The following SDR16C5 variants were observed in gnomAD, a reference collection of about 807,000 sequenced individuals.
The protein encoded by SDR16C5 is epidermal retinol dehydrogenase 2.
Under a neutral mutation model 27.7 loss-of-function variants are expected in SDR16C5, and 20 were observed. That is an observed-to-expected ratio of 0.72 (90% confidence interval 0.51 to 1.05). SDR16C5 has a LOEUF of 1.05. SDR16C5 is among the 50% of genes least tolerant of loss of function. SDR16C5 has a pLI of 0.00. For synonymous variants in SDR16C5, 139 were observed against 132.3 expected (o/e 1.05, Z -0.35); for missense variants, 374 against 366.3 (o/e 1.02, Z -0.17).
intron 2 of SDR16C5, among the ~76,000 whole-genome samples, chr8:56,314,708 G>A (rs1473681732): frequency 6.6e-6 from 1 of 152,206 alleles, no homozygotes; most frequent in African/African-American, 2.4e-5. Flanking sequence ...GGAGATGGTG[G>A]TGGCAGAGAG....
In SDR16C5 at chr8:56,301,446, G is replaced by A. The variant is rs750220990; in HGVS notation, c.*34C>T. 2.0e-5 allele frequency: 28 copies of A among 1,420,750 alleles called. No homozygotes were observed. The highest frequency in any genetic ancestry group is 2.6e-5 in the Non-Finnish European group (26 of 1,003,804). The allele number at this position is 1,420,750 out of a possible 1,614,324, so 88.0% of individuals were successfully genotyped here. On this transcript the variant is annotated 3_prime_UTR_variant, in exon 7 of 7. Transcript: ENST00000303749. Reference sequence around the variant, plus strand: ...ATTGAAGTACGCATTATGTAACACTGTGTATCAGATGACCTTAGCCATAGA... The same window carrying A: ...ATTGAAGTACGCATTATGTAACACTATGTATCAGATGACCTTAGCCATAGA...
In SDR16C5 at chr8:56,316,380, T is replaced by G; in HGVS notation, c.-14-19A>C. ...CTGACACCTGTGAAGAAAGACAGATTCACATGAAGACTTATTTGTCCATTT... is the reference window on the plus strand; with the variant it reads ...CTGACACCTGTGAAGAAAGACAGATGCACATGAAGACTTATTTGTCCATTT... On this transcript the variant is annotated intron_variant, in intron 1 of 6. Coordinates refer to ENST00000303749, the MANE Select transcript of SDR16C5 (RefSeq NM_138969.4). The G allele has an allele frequency of 6.7e-7, 1 of 1,483,036 alleles. No individual in the cohort carries two copies. The allele number at this position is 1,483,036 out of a possible 1,614,324, so 91.9% of individuals were successfully genotyped here.
At chr8:56,313,331 A>G (rs1023043731) in intron 2 of SDR16C5, among the ~76,000 whole-genome samples, 2 of 152,240 alleles carry the variant, frequency 1.3e-5, no homozygotes, top group African/African-American at 2.4e-5. Context: ...TAAATAGAGG[A>G]AAAGAGAAAG....
At chr8:56,313,917 C>G (rs922987918) in intron 2 of SDR16C5, among the ~76,000 whole-genome samples, 1 of 152,112 alleles carries the variant, frequency 6.6e-6, no homozygotes, top group Non-Finnish European at 1.5e-5. Flanking sequence ...CTTAAAAACT[C>G]TCTGGTATTG....
At chr8:56,315,993 AT>A in intron 2 of SDR16C5, 21 bp downstream of exon 2, 6 of 1,521,710 alleles carry the variant, frequency 3.9e-6, no homozygotes, top group Non-Finnish European at 5.5e-6. Context: ...TCAAATTATA[AT>A]AGTAAACACA....
chr8:56,308,682 T>C (rs935138059), intron 4 of SDR16C5, among the ~76,000 whole-genome samples: 1 of 152,118 alleles, frequency 6.6e-6, no homozygotes, highest in Non-Finnish European at 1.5e-5. Context: ...GTGAGGCCTC[T>C]CTCTCTTTTA....
intron 1 of SDR16C5, 109 bp from the exon 2 acceptor site, chr8:56,316,470 G>T: frequency 1.5e-6 from 1 of 677,966 alleles, no homozygotes; most frequent in Non-Finnish European, 2.5e-6. Flanking sequence ...TGAGATATGT[G>T]ATTTAAACAG....
intron 6 of SDR16C5, 67 bp downstream of exon 6, chr8:56,305,530 C>T: frequency 7.3e-7 from 1 of 1,375,790 alleles, no homozygotes; most frequent in East Asian, 2.6e-5. Context: ...AGTGGCTTCT[C>T]CTGGTGGGAT....
Position 56,300,242 on chromosome 8 carries a change from C to A in SDR16C5, c.*1238G>T, listed in dbSNP as rs1278102768. ...ATCAGGGCTGTCATGTTCGTGCAGG[C>A]CACTCAAGGTAAACCATAGTGGATT... On this transcript the variant is annotated 3_prime_UTR_variant, in exon 7 of 7. Transcript: ENST00000303749. 6.6e-6 allele frequency: 1 copy of A among 151,892 alleles called. No individual in the cohort carries two copies. The highest frequency in any genetic ancestry group is 2.4e-5 in the African/African-American group (1 of 41,322). 9.4% of individuals were successfully genotyped at this position (151,892 alleles called of 1,614,324 possible).
intron 4 of SDR16C5, among the ~76,000 whole-genome samples, chr8:56,308,355 A>G (rs904450182): frequency 6.6e-6 from 1 of 152,198 alleles, no homozygotes. Context: ...CCAGCTCCCA[A>G]GTTGGGCCTC....
At chr8:56,302,368 A>G (rs1477139733) in intron 6 of SDR16C5, among the ~76,000 whole-genome samples, 1 of 151,876 alleles carries the variant, frequency 6.6e-6, no homozygotes, top group African/African-American at 2.4e-5. Flanking sequence ...CCCACCAAAC[A>G]CCATTCTTAA....
chr8:56,313,428 G>A (rs571407869), intron 2 of SDR16C5, among the ~76,000 whole-genome samples: 1 of 152,224 alleles, frequency 6.6e-6, no homozygotes, highest in Non-Finnish European at 1.5e-5. Context: ...ATCACAGAGT[G>A]TACTTAATAA....
At chr8:56,312,440 C>T (rs543002099) in intron 2 of SDR16C5, 152 bp from the exon 3 acceptor site, 35 of 682,206 alleles carry the variant, frequency 5.1e-5, no homozygotes, top group Non-Finnish European at 7.7e-5. Flanking sequence ...CGCAGTGGCT[C>T]ACACCTGTAA....
In SDR16C5 at chr8:56,316,330, T is replaced by C. The variant is rs139994977; in HGVS notation, c.18A>G (p.Gln6=). ...AGAAAATGAACAGTTTCTTTGATGA[T>C]TGCAGGTTGAAAGACATGTTCTGGC... The part of the protein sequence containing the change: MSFNL[Q]SSKKLFIFLG... Residue 6 remains glutamine (Q), a synonymous_variant, in exon 2 of 7, where the codon CAA becomes CAG. Transcript: ENST00000303749. 2.2e-5 allele frequency: 36 copies of C among 1,613,056 alleles called. No individual in the cohort carries two copies. Among genetic ancestry groups the C allele is most frequent in the East Asian group, 4.5e-5 (2 of 44,896 alleles).
chr8:56,315,974 T>G lies in SDR16C5; in HGVS notation c.333+41A>C, dbSNP rs778940056. On this transcript the variant is annotated intron_variant, in intron 2 of 6. Transcript: ENST00000303749. ...TGAGAAAGGCAAGTGAAAAAGAGTGTGATGTGTATCAAATTATAATAGTAA... is the reference window on the plus strand; with the variant it reads ...TGAGAAAGGCAAGTGAAAAAGAGTGGGATGTGTATCAAATTATAATAGTAA... 5.2e-6 allele frequency: 7 copies of G among 1,350,548 alleles called. No individual in the cohort carries two copies. In the South Asian group the frequency reaches 8.7e-5, roughly 17 times the overall value. The allele number at this position is 1,350,548 out of a possible 1,614,324, so 83.7% of individuals were successfully genotyped here. A position where few individuals can be genotyped will look rare whatever the true frequency, so the allele number is the denominator to read the frequency against.
intron 2 of SDR16C5, among the ~76,000 whole-genome samples, chr8:56,314,569 GT>G (rs1815139587): frequency 6.6e-6 from 1 of 152,208 alleles, no homozygotes; most frequent in Non-Finnish European, 1.5e-5. Flanking sequence ...AACATGCCAG[GT>G]GATCAGTGCT....
intron 2 of SDR16C5, among the ~76,000 whole-genome samples, chr8:56,314,255 G>T (rs1815130718): frequency 6.6e-6 from 1 of 152,106 alleles, no homozygotes; most frequent in Non-Finnish European, 1.5e-5. Context: ...ATAAAAAGTG[G>T]AAATGGTGGG....
At chr8:56,315,163 C>T (rs1342235640) in intron 2 of SDR16C5, among the ~76,000 whole-genome samples, 2 of 151,354 alleles carry the variant, frequency 1.3e-5, no homozygotes, top group Non-Finnish European at 2.9e-5. Flanking sequence ...GAGAATCGCT[C>T]GAACCCAGGA....
rs557840483 is a variant in SDR16C5 at position 56,307,277 on chromosome 8, T to C, written c.566-457A>G. On this transcript the variant is annotated intron_variant, in intron 4 of 6. Transcript: ENST00000303749. Reference sequence around the variant, plus strand: ...CTCAGATGAAGTTTTCTTCCAACTATAACTCTTTCCTTCACTTCCAGAAAA... The same window carrying C: ...CTCAGATGAAGTTTTCTTCCAACTACAACTCTTTCCTTCACTTCCAGAAAA... 6.6e-5 allele frequency among the ~76,000 whole-genome samples: 10 copies of C among 151,978 alleles called. No individual in the cohort carries two copies. In the South Asian group the frequency reaches 2.1e-3, roughly 32 times the overall value.
Sources: gnomAD v4.1 joint callset for allele counts (sites outside exome capture counted in the v4.1 genomes callset) on GRCh38, gnomAD v4.1.1 for gene constraint, MANE v1.5 for transcripts, NCBI Gene and HGNC (gene_info 2026-07-23, HGNC 2026-07-21) for gene names.